The following LRFN5 variants were observed in gnomAD, a reference collection of about 807,000 sequenced individuals.
LRFN5 encodes leucine-rich repeat and fibronectin type-III domain-containing protein 5.
A neutral mutation model predicts 45.6 loss-of-function variants in LRFN5; 24 were observed. The ratio of observed to expected loss-of-function variants is 0.53; its 90% confidence interval spans 0.38 to 0.74. The LOEUF (loss-of-function observed/expected upper bound fraction) is 0.74. Among genes scored for constraint, LRFN5 ranks in the 30% least tolerant of loss-of-function variants. The probability of loss-of-function intolerance (pLI) is 0.00; values close to 1 mark genes in which losing one functional copy is unlikely to be tolerated. For missense variants in LRFN5, 776 were observed against 861.5 expected, an observed-to-expected ratio of 0.90 and a Z score of 1.24; for synonymous variants, 340 against 313.8, an observed-to-expected ratio of 1.08 and a Z score of -0.88.
At chr14:41,658,419 G>A (rs892537775) in intron 1 of LRFN5, among the ~76,000 whole-genome samples, 5 of 151,876 alleles carry the variant, frequency 3.3e-5, no homozygotes, top group Non-Finnish European at 5.9e-5. Context: ...AGGGAAAGAG[G>A]TGAATAATAA....
chr14:41,749,979 G>C (rs1159539708), intron 1 of LRFN5, among the ~76,000 whole-genome samples: 1 of 151,848 alleles, frequency 6.6e-6, no homozygotes, highest in Non-Finnish European at 1.5e-5. Context: ...AACATCAATA[G>C]GGAGACATGC....
chr14:41,681,524 T>C (rs906256174), intron 1 of LRFN5, among the ~76,000 whole-genome samples: 2 of 152,024 alleles, frequency 1.3e-5, no homozygotes, highest in Non-Finnish European at 1.5e-5. Flanking sequence ...TTTTATCCTA[T>C]AATAGTATAT....
chr14:41,896,640 AG>A (rs1324432552), intron 4 of LRFN5, among the ~76,000 whole-genome samples: 1 of 152,212 alleles, frequency 6.6e-6, no homozygotes, highest in East Asian at 1.9e-4. Context: ...TTACTTTCAA[AG>A]GACAGATTGC....
chr14:41,667,844 A>C (rs1232737031), intron 1 of LRFN5, among the ~76,000 whole-genome samples: 1 of 152,156 alleles, frequency 6.6e-6, no homozygotes, highest in Non-Finnish European at 1.5e-5. Flanking sequence ...CTGACAGTTT[A>C]TACCTATTTA....
chr14:41,835,552 T>C (rs56871153), intron 2 of LRFN5, among the ~76,000 whole-genome samples: 1,993 of 152,134 alleles, frequency 0.013, 44 homozygotes, highest in African/African-American at 0.046. Context: ...ATGGTGAAAC[T>C]CTGTATCTAC....
intron 1 of LRFN5, among the ~76,000 whole-genome samples, chr14:41,647,162 A>G (rs1034914094): frequency 2.0e-5 from 3 of 152,116 alleles, no homozygotes; most frequent in African/African-American, 7.2e-5. Flanking sequence ...CATCCTTTTC[A>G]TGTGATTTTA....
At chr14:41,849,199 C>G (rs1365182822) in intron 2 of LRFN5, among the ~76,000 whole-genome samples, 1 of 151,910 alleles carries the variant, frequency 6.6e-6, no homozygotes, top group African/African-American at 2.4e-5. Flanking sequence ...TTATTAACCC[C>G]TCTTGCATAG....
At chr14:41,775,312 G>T (rs531023907) in intron 2 of LRFN5, among the ~76,000 whole-genome samples, 4 of 151,620 alleles carry the variant, frequency 2.6e-5, no homozygotes, top group African/African-American at 9.7e-5. Flanking sequence ...GGATGGTCTC[G>T]ACTCCTGACC....
At position 41,873,628 on chromosome 14, in the gene LRFN5, A is replaced by C. The variant is rs116116165; in HGVS notation, c.-20-12978A>C. On this transcript the variant is annotated intron_variant, in intron 2 of 5. Coordinates refer to ENST00000298119, the MANE Select transcript of LRFN5 (RefSeq NM_152447.5). Reference sequence around the variant, plus strand: ...GTATGCCTTTCTTCTCCCATTTTTCATGTTCACAGAGACTCAGCTATTCAA... The same window carrying C: ...GTATGCCTTTCTTCTCCCATTTTTCCTGTTCACAGAGACTCAGCTATTCAA... Among the ~76,000 whole-genome samples the C allele has an allele frequency of 4.7e-3, 721 of 152,044 alleles. 9 individuals carry two copies. The highest frequency in any genetic ancestry group is 0.017 in the African/African-American group (695 of 41,482).
intron 1 of LRFN5, among the ~76,000 whole-genome samples, chr14:41,682,784 G>C (rs1426945175): frequency 6.6e-6 from 1 of 152,108 alleles, no homozygotes; most frequent in African/African-American, 2.4e-5. Context: ...CTTGAACAGA[G>C]CAGTAAGTAA....
chr14:41,861,218 A>C (rs758781549), intron 2 of LRFN5, among the ~76,000 whole-genome samples: 1 of 152,208 alleles, frequency 6.6e-6, no homozygotes, highest in African/African-American at 2.4e-5. Context: ...TAGACCCACT[A>C]TTTTAACATT....
chr14:41,727,965 A>G (rs898073216), intron 1 of LRFN5, among the ~76,000 whole-genome samples: 6 of 152,186 alleles, frequency 3.9e-5, no homozygotes, highest in Admixed American at 3.9e-4. Flanking sequence ...CCTTGAGTGT[A>G]AATTCTCCAG....
At chr14:41,825,954 C>A (rs892067727) in intron 2 of LRFN5, among the ~76,000 whole-genome samples, 1 of 152,196 alleles carries the variant, frequency 6.6e-6, no homozygotes, top group African/African-American at 2.4e-5. Context: ...CTTCAGTGTT[C>A]CTTCTCTGCT....
chr14:41,630,052 C>T (rs1888481801), intron 1 of LRFN5, among the ~76,000 whole-genome samples: 1 of 152,014 alleles, frequency 6.6e-6, no homozygotes, highest in Non-Finnish European at 1.5e-5. Flanking sequence ...TAGAAAGGTG[C>T]TTAAGATATT....
intron 1 of LRFN5, among the ~76,000 whole-genome samples, chr14:41,718,569 T>C (rs1254435523): frequency 6.6e-6 from 1 of 152,218 alleles, no homozygotes; most frequent in African/African-American, 2.4e-5. Context: ...ATTTACATAT[T>C]TTGAATTCGT....
intron 2 of LRFN5, among the ~76,000 whole-genome samples, chr14:41,833,349 G>A (rs1957863): frequency 0.51 from 77,890 of 151,970 alleles, 20,844 homozygotes; most frequent in African/African-American, 0.63. Flanking sequence ...AAATTTCTTC[G>A]TTCTCTGGAT....
At chr14:41,651,076 G>A (rs1594582807) in intron 1 of LRFN5, among the ~76,000 whole-genome samples, 1 of 152,208 alleles carries the variant, frequency 6.6e-6, no homozygotes, top group South Asian at 2.1e-4. Context: ...TTTGGAAAAA[G>A]ATAAAGCTAT....
chr14:41,759,036 A>G (rs982785667), intron 1 of LRFN5, among the ~76,000 whole-genome samples: 9 of 152,118 alleles, frequency 5.9e-5, no homozygotes, highest in African/African-American at 1.4e-4. Context: ...CTGGACCTCA[A>G]AGAGCTTACA....
intron 1 of LRFN5, among the ~76,000 whole-genome samples, chr14:41,661,237 T>C (rs1880639455): frequency 6.6e-6 from 1 of 151,960 alleles, no homozygotes; most frequent in Non-Finnish European, 1.5e-5. Flanking sequence ...ATCTAATCAC[T>C]GGTATTGTCA....
Sources: gnomAD v4.1 joint callset for allele counts (sites outside exome capture counted in the v4.1 genomes callset) on GRCh38, gnomAD v4.1.1 for gene constraint, MANE v1.5 for transcripts, NCBI Gene and HGNC (gene_info 2026-07-23, HGNC 2026-07-21) for gene names.